KCND3: variants seen among roughly 807,000 people sequenced by gnomAD.
KCND3 encodes potassium voltage-gated channel subfamily D member 3.
In KCND3, 9 loss-of-function variants were observed where a neutral mutation model predicts 51.1. The observed-to-expected ratio is 0.18, with a 90% CI of 0.11 to 0.31. The LOEUF (loss-of-function observed/expected upper bound fraction) is 0.31, where lower values mean the gene tolerates loss of function less well. KCND3 is among the 10% of genes least tolerant of loss of function. The pLI is 1.00. For missense variants in KCND3, 526 were observed against 903.8 expected (o/e 0.58, Z 5.36); for synonymous variants, 349 against 368.0 (o/e 0.95, Z 0.59).
chr1:111,786,513 CCTTTCACAGTATTTATTT>C (rs919210095), intron 3 of KCND3, among the ~76,000 whole-genome samples: 3 of 151,754 alleles, frequency 2.0e-5, no homozygotes, highest in African/African-American at 7.3e-5. Flanking sequence ...AGGATGCTCT[CCTTTCACAGTATTTATTT>C]TTCTTTTCAA....
At chr1:111,845,208 C>T (rs1291921260) in intron 2 of KCND3, among the ~76,000 whole-genome samples, 2 of 152,190 alleles carry the variant, frequency 1.3e-5, no homozygotes, top group Non-Finnish European at 1.5e-5. Context: ...CACTTGAAAA[C>T]TGCCCCTCCT....
intron 3 of KCND3, among the ~76,000 whole-genome samples, chr1:111,781,511 A>G (rs1194169240): frequency 1.3e-5 from 2 of 152,140 alleles, no homozygotes; most frequent in African/African-American, 4.8e-5. Context: ...GAGTAGATTC[A>G]TGCATGTATA....
intron 2 of KCND3, among the ~76,000 whole-genome samples, chr1:111,964,231 C>G: frequency 6.6e-6 from 1 of 152,226 alleles, no homozygotes; most frequent in East Asian, 1.9e-4. Context: ...GCTTGACACA[C>G]TGCTCTGGTC....
At chr1:111,928,111 G>T (rs554115917) in intron 2 of KCND3, among the ~76,000 whole-genome samples, 1 of 151,812 alleles carries the variant, frequency 6.6e-6, no homozygotes. Flanking sequence ...TTTAGCTAAC[G>T]TATCTCTAGG....
intron 2 of KCND3, among the ~76,000 whole-genome samples, chr1:111,927,483 G>A (rs1351103217): frequency 6.6e-6 from 1 of 152,236 alleles, no homozygotes; most frequent in Non-Finnish European, 1.5e-5. Context: ...GACAGCCCAT[G>A]TCCTCCTGTG....
At position 111,777,030 on chromosome 1, in the gene KCND3, T is replaced by C. The variant is rs545602928; in HGVS notation, c.1762A>G (p.Thr588Ala). 3.1e-6 allele frequency: 5 copies of C among 1,613,198 alleles called. No homozygotes were observed. The highest frequency in any genetic ancestry group is 4.2e-6 in the Non-Finnish European group (5 of 1,179,860). ...GATGGGATGGAAGCCACCCACCTGGTTGTGAGGGAGGGCTGCTCACTGCCC... is the reference window on the plus strand; with the variant it reads ...GATGGGATGGAAGCCACCCACCTGGCTGTGAGGGAGGGCTGCTCACTGCCC... ...IQGSEQPSLTTSRSSLNLKAD... is the reference protein window; with the variant it reads ...IQGSEQPSLTASRSSLNLKAD... The change falls in exon 7 of 8, where the codon ACC becomes GCC. Residue 588 changes from threonine to alanine, a missense_variant. Physicochemically the swap from Thr to Ala is moderately conservative, Grantham distance 58. Around this residue, in one of 5 missense-constraint regions of KCND3, gnomAD observed 266 missense variants for 305.5 expected, o/e 0.87. Transcript: ENST00000302127.
intron 2 of KCND3, among the ~76,000 whole-genome samples, chr1:111,826,962 A>G (rs1402442342): frequency 6.6e-6 from 1 of 152,204 alleles, no homozygotes; most frequent in Non-Finnish European, 1.5e-5. Flanking sequence ...ATTTTGGAAT[A>G]TTCACATTAA....
intron 2 of KCND3, among the ~76,000 whole-genome samples, chr1:111,914,227 C>A (rs1671087055): frequency 7.2e-6 from 1 of 138,804 alleles, no homozygotes; most frequent in African/African-American, 2.7e-5. Context: ...ATTTGAAGAA[C>A]AGAAATAGAA....
intron 2 of KCND3, among the ~76,000 whole-genome samples, chr1:111,861,305 C>T (rs1054732469): frequency 5.3e-5 from 8 of 152,114 alleles, no homozygotes; most frequent in Non-Finnish European, 8.8e-5. Context: ...TGAGTTTACA[C>T]CCTGGGTTCC....
At chr1:111,816,602 G>A (rs1246618330) in intron 2 of KCND3, among the ~76,000 whole-genome samples, 1 of 152,212 alleles carries the variant, frequency 6.6e-6, no homozygotes, top group Non-Finnish European at 1.5e-5. Flanking sequence ...AATTCCTACT[G>A]TGGGTGGGCG....
chr1:111,806,841 C>A (rs542996178), intron 2 of KCND3, among the ~76,000 whole-genome samples: 11 of 152,266 alleles, frequency 7.2e-5, no homozygotes, highest in African/African-American at 2.4e-4. Context: ...GCTTCCCCAC[C>A]CAGCTCTAAG....
chr1:111,835,436 AG>A (rs906288225), intron 2 of KCND3, among the ~76,000 whole-genome samples: 5 of 152,202 alleles, frequency 3.3e-5, no homozygotes, highest in Non-Finnish European at 7.4e-5. Flanking sequence ...CTGCATTCCC[AG>A]GGGGTTAGGC....
intron 2 of KCND3, among the ~76,000 whole-genome samples, chr1:111,948,351 C>T (rs1672890231): frequency 6.6e-6 from 1 of 152,216 alleles, no homozygotes; most frequent in South Asian, 2.1e-4. Context: ...AGATCACTCC[C>T]CACAGAGCCT....
At chr1:111,818,037 CGT>C (rs1309145866) in intron 2 of KCND3, among the ~76,000 whole-genome samples, 3 of 121,938 alleles carry the variant, frequency 2.5e-5, no homozygotes, top group Non-Finnish European at 5.1e-5. Context: ...GGCACACGCG[CGT>C]GCACACACAC....
chr1:111,947,312 C>T (rs943551587), intron 2 of KCND3, among the ~76,000 whole-genome samples: 6 of 152,196 alleles, frequency 3.9e-5, no homozygotes, highest in African/African-American at 1.4e-4. Flanking sequence ...GGCACCATTC[C>T]AGGTGCTAGG....
In KCND3 at chr1:111,775,671, C is replaced by T. The variant is rs1460274120; in HGVS notation, c.*406G>A. On this transcript the variant is annotated 3_prime_UTR_variant, in exon 8 of 8. Transcript: ENST00000302127. The stretch of plus-strand genomic sequence containing the variant: ...AGTGTTATATTTTCTTCCTGTTTTG[C>T]TTGTGACAACTTGGCCTCTTTGCTG... 4 of 278,288 alleles carry T rather than the reference C, an allele frequency of 1.4e-5. No homozygotes were observed. Among genetic ancestry groups the T allele is most frequent in the Non-Finnish European group, 1.4e-5 (2 of 142,016 alleles). The allele number at this position is 278,288 out of a possible 1,614,324, so 17.2% of individuals were successfully genotyped here. A position where few individuals can be genotyped will look rare whatever the true frequency, so the allele number is the denominator to read the frequency against.
intron 2 of KCND3, among the ~76,000 whole-genome samples, chr1:111,867,247 G>C (rs1668622363): frequency 6.6e-6 from 1 of 152,184 alleles, no homozygotes; most frequent in Non-Finnish European, 1.5e-5. Flanking sequence ...AACCCAGTGA[G>C]TTGAGGCCTA....
chr1:111,914,484 A>G (rs1671104081), intron 2 of KCND3, among the ~76,000 whole-genome samples: 1 of 152,232 alleles, frequency 6.6e-6, no homozygotes, highest in Non-Finnish European at 1.5e-5. Context: ...ACCAAGGCAC[A>G]TTATAACCAA....
intron 2 of KCND3, among the ~76,000 whole-genome samples, chr1:111,875,276 G>C (rs1669002090): frequency 6.6e-6 from 1 of 152,200 alleles, no homozygotes; most frequent in South Asian, 2.1e-4. Flanking sequence ...TTAGAGGGCT[G>C]TGTCAGGTGA....
Sources: gnomAD v4.1 joint callset for allele counts (sites outside exome capture counted in the v4.1 genomes callset) on GRCh38, gnomAD v4.1.1 for gene constraint, gnomAD v4.1.1 regional missense constraint, MANE v1.5 for transcripts, NCBI Gene and HGNC (gene_info 2026-07-23, HGNC 2026-07-21) for gene names.